LOC128462377: variants seen among roughly 807,000 people sequenced by gnomAD.
chr16:89,335,617 C>A, the LOC128462377 span, among the ~76,000 whole-genome samples: 4 of 152,048 alleles, frequency 2.6e-5, no homozygotes, highest in Non-Finnish European at 5.9e-5. Flanking sequence ...GTTTGCAAAG[C>A]CCCGTCACAC....
the LOC128462377 span, among the ~76,000 whole-genome samples, chr16:89,352,879 C>A: frequency 6.6e-6 from 1 of 152,218 alleles, no homozygotes; most frequent in African/African-American, 2.4e-5. Flanking sequence ...TCTTTTCTCT[C>A]ACGGCTTGTT....
chr16:89,383,993 G>C, the LOC128462377 span, among the ~76,000 whole-genome samples: 1 of 152,124 alleles, frequency 6.6e-6, no homozygotes, highest in Non-Finnish European at 1.5e-5. Context: ...GCTGAGGCAG[G>C]CAGGTCACCT....
chr16:89,382,727 G>C, the LOC128462377 span, among the ~76,000 whole-genome samples: 2 of 152,024 alleles, frequency 1.3e-5, no homozygotes, highest in African/African-American at 4.8e-5. Flanking sequence ...TAATCCTCCT[G>C]CCTCGGCCTC....
At chr16:89,376,433 C>CT in the LOC128462377 span, among the ~76,000 whole-genome samples, 7 of 152,130 alleles carry the variant, frequency 4.6e-5, no homozygotes, top group Non-Finnish European at 1.0e-4. Flanking sequence ...TGTGCCTGAA[C>CT]AGGGTTTTGT....
the LOC128462377 span, among the ~76,000 whole-genome samples, chr16:89,384,477 G>C: frequency 1.3e-5 from 2 of 152,028 alleles, no homozygotes; most frequent in African/African-American, 4.8e-5. Context: ...AGGACAAGAT[G>C]GGAATGGGAC....
At chr16:89,356,796 G>A in the LOC128462377 span, among the ~76,000 whole-genome samples, 29 of 132,484 alleles carry the variant, frequency 2.2e-4, no homozygotes, top group South Asian at 4.7e-4. Context: ...AAAAAAAAAA[G>A]AAAAAAGAAA....
At chr16:89,367,094 C>A in the LOC128462377 span, among the ~76,000 whole-genome samples, 2 of 152,324 alleles carry the variant, frequency 1.3e-5, no homozygotes, top group South Asian at 4.1e-4. Context: ...CAAGATGCCA[C>A]CCCGAGACTC....
chr16:89,406,023 T>A, the LOC128462377 span, among the ~76,000 whole-genome samples: 1 of 145,218 alleles, frequency 6.9e-6, no homozygotes, highest in African/African-American at 2.6e-5. Flanking sequence ...GGTGGGAGAA[T>A]CACCTGAACC....
At chr16:89,347,238 T>C in the LOC128462377 span, among the ~76,000 whole-genome samples, 1 of 152,136 alleles carries the variant, frequency 6.6e-6, no homozygotes, top group Non-Finnish European at 1.5e-5. Flanking sequence ...CAGTGTAGCC[T>C]TGACAAGCTG....
chr16:89,340,853 G>C, the LOC128462377 span, among the ~76,000 whole-genome samples: 7 of 152,184 alleles, frequency 4.6e-5, no homozygotes, highest in African/African-American at 1.7e-4. Flanking sequence ...AGGATGCACA[G>C]CTTTTGCCCA....
At chr16:89,375,072 A>G in the LOC128462377 span, among the ~76,000 whole-genome samples, 3 of 152,090 alleles carry the variant, frequency 2.0e-5, no homozygotes, top group Non-Finnish European at 4.4e-5. Context: ...CGTTCAGCAG[A>G]GGGAAACGTA....
the LOC128462377 span, among the ~76,000 whole-genome samples, chr16:89,417,713 C>T: frequency 6.6e-6 from 1 of 152,110 alleles, no homozygotes; most frequent in East Asian, 1.9e-4. Flanking sequence ...CCACCAGGAA[C>T]CTAACAAGAG....
chr16:89,384,790 A>G, the LOC128462377 span, among the ~76,000 whole-genome samples: 1 of 151,406 alleles, frequency 6.6e-6, no homozygotes, highest in Non-Finnish European at 1.5e-5. Context: ...AAGCAGGCCC[A>G]CTAGACAGCC....
chr16:89,387,692 GAAAA>G, the LOC128462377 span, among the ~76,000 whole-genome samples: 2 of 67,494 alleles, frequency 3.0e-5, no homozygotes, highest in Non-Finnish European at 6.1e-5. Context: ...AAAAGAAAAA[GAAAA>G]AAAAAAAAAA....
the LOC128462377 span, among the ~76,000 whole-genome samples, chr16:89,322,936 T>C: frequency 6.6e-6 from 1 of 152,238 alleles, no homozygotes; most frequent in East Asian, 1.9e-4. Context: ...CTCCGCCTCC[T>C]GGGCTCAAGC....
the LOC128462377 span, among the ~76,000 whole-genome samples, chr16:89,363,969 A>C: frequency 1.3e-5 from 2 of 152,154 alleles, no homozygotes; most frequent in African/African-American, 4.8e-5. Context: ...CCTGAGCAGG[A>C]GGACAGCTTG....
the LOC128462377 span, among the ~76,000 whole-genome samples, chr16:89,338,371 C>T: frequency 1.4e-5 from 2 of 146,038 alleles, no homozygotes; most frequent in African/African-American, 5.1e-5. Flanking sequence ...AAAATTGAAA[C>T]ATGGGTTTGA....
chr16:89,415,829 C>CAA, the LOC128462377 span, among the ~76,000 whole-genome samples: 726 of 39,702 alleles, frequency 0.018, 38 homozygotes, highest in African/African-American at 0.044. Flanking sequence ...GACTCTGTCT[C>CAA]AAAAAAAAAA....
the LOC128462377 span, among the ~76,000 whole-genome samples, chr16:89,349,341 G>A: frequency 7.3e-5 from 11 of 151,630 alleles, no homozygotes; most frequent in Non-Finnish European, 1.3e-4. Flanking sequence ...TTAGCCGGGC[G>A]TGGTGGCGGG....
Sources: gnomAD v4.1 joint callset for allele counts (sites outside exome capture counted in the v4.1 genomes callset) on GRCh38, gnomAD v4.1.1 for gene constraint, MANE v1.5 for transcripts.